MTCH1: variants seen among roughly 807,000 people sequenced by gnomAD.
MTCH1 encodes mitochondrial carrier 1, also known as mitochondrial carrier homolog 1.
MTCH1 carries 23 observed loss-of-function variants against 49.3 expected under a neutral mutation model. The ratio of observed to expected loss-of-function variants is 0.47; its 90% CI spans 0.34 to 0.66. The LOEUF (loss-of-function observed/expected upper bound fraction) is 0.66, where lower values mean the gene tolerates loss of function less well. Among genes scored for constraint, MTCH1 ranks in the 30% least tolerant of loss-of-function variants. The pLI is 0.01. For missense variants in MTCH1, 397 were observed against 532.1 expected (o/e 0.75, Z 2.50); for synonymous variants, 229 against 215.2 (o/e 1.06, Z -0.56).
chr6:36,978,158 G>T lies in MTCH1; in HGVS notation c.514-3C>A, dbSNP rs768308231. The T allele has an allele frequency of 8.7e-6, 14 of 1,611,160 alleles. No homozygotes were observed. The highest frequency in any genetic ancestry group is 9.3e-6 in the Non-Finnish European group (11 of 1,177,338). On this transcript the variant is annotated splice_polypyrimidine_tract_variant and splice_region_variant and intron_variant, in intron 3 of 11. Transcript: ENST00000373627. ...TCAATCTCATCTGGAGGGAAAACCT[G>T]AAACAGAGAAGGGAAAGAACCAAGT...
intron 1 of MTCH1, among the ~76,000 whole-genome samples, chr6:36,983,891 A>G (rs1171462687): frequency 6.6e-6 from 1 of 152,120 alleles, no homozygotes; most frequent in East Asian, 1.9e-4. Context: ...TACACTCAAC[A>G]CCAGCTGGGT....
At chr6:36,984,503 T>G (rs556938035) in intron 1 of MTCH1, among the ~76,000 whole-genome samples, 1 of 152,296 alleles carries the variant, frequency 6.6e-6, no homozygotes, top group East Asian at 1.9e-4. Flanking sequence ...TCCAGTTGTA[T>G]TTTGCATTCT....
chr6:36,970,241 A>T (rs1583247270), intron 10 of MTCH1, 127 bp from the exon 11 acceptor site: 1 of 1,417,132 alleles, frequency 7.1e-7, no homozygotes, highest in East Asian at 2.3e-5. Context: ...ACCACAGTTT[A>T]CCCCAGGGGG....
Position 36,977,490 on chromosome 6 carries a change from G to A in MTCH1, c.649+144C>T. The A allele has an allele frequency of 1.4e-6, 1 of 693,964 alleles. No homozygotes were observed. The highest frequency in any genetic ancestry group is 2.5e-6 in the Non-Finnish European group (1 of 399,780). 43.0% of individuals were successfully genotyped at this position (693,964 alleles called of 1,614,324 possible). Reference sequence around the variant, plus strand: ...AATTCCAATCTCTCCTCAGTGAGGTGGGTTCCAGTAGAATACCCCCAACCC... The same window carrying A: ...AATTCCAATCTCTCCTCAGTGAGGTAGGTTCCAGTAGAATACCCCCAACCC... On this transcript the variant is annotated intron_variant, in intron 5 of 11. Transcript: ENST00000373627. This position sits in a 1 kb window ranked among gnomAD's most constrained non-coding sequence, Gnocchi z 5.4.
At chr6:36,975,749 C>A in intron 6 of MTCH1, 32 bp from the exon 7 acceptor site, 1 of 1,606,600 alleles carries the variant, frequency 6.2e-7, no homozygotes, top group South Asian at 1.1e-5. Flanking sequence ...GATACAGGGT[C>A]ATGCAGTCAC....
intron 1 of MTCH1, 111 bp downstream of exon 1, chr6:36,985,742 A>AC: frequency 9.1e-6 from 1 of 109,364 alleles, no homozygotes; most frequent in South Asian, 4.4e-5. Flanking sequence ...CGCCGTCCCC[A>AC]CCCCTCTCCC....
At chr6:36,978,226 G>A in intron 3 of MTCH1, 71 bp from the exon 4 acceptor site, 1 of 1,325,976 alleles carries the variant, frequency 7.5e-7, no homozygotes, top group Non-Finnish European at 1.1e-6. Context: ...GACTTGGGCG[G>A]CAGGAACCAG....
intron 1 of MTCH1, among the ~76,000 whole-genome samples, chr6:36,985,498 T>C (rs1764266446): frequency 6.6e-6 from 1 of 151,198 alleles, no homozygotes; most frequent in Admixed American, 6.6e-5. Context: ...CCAAATTCGC[T>C]CCCTTCCCTA....
chr6:36,980,462 G>A (rs550317248), intron 2 of MTCH1, among the ~76,000 whole-genome samples: 1 of 152,308 alleles, frequency 6.6e-6, no homozygotes, highest in South Asian at 2.1e-4. Context: ...TCCTACTTCT[G>A]TCATTCCCCT....
chr6:36,981,788 T>C, intron 1 of MTCH1, 116 bp from the exon 2 acceptor site: 1 of 844,298 alleles, frequency 1.2e-6, no homozygotes, highest in Non-Finnish European at 1.8e-6. Flanking sequence ...AATTCTAATG[T>C]GGCTCTTGTT....
chr6:36,975,776 C>G, intron 6 of MTCH1, 59 bp from the exon 7 acceptor site: 2 of 1,538,490 alleles, frequency 1.3e-6, no homozygotes, highest in Non-Finnish European at 1.8e-6. Flanking sequence ...GAAGCCCACC[C>G]GTTGGTGTGG....
chr6:36,976,732 CGCA>C (rs1446949704), intron 6 of MTCH1: 1 of 378,572 alleles, frequency 2.6e-6, no homozygotes, highest in Non-Finnish European at 5.3e-6. Context: ...CAGGGCTGCA[CGCA>C]GCAGATCTAG....
chr6:36,977,593 G>T lies in MTCH1; in HGVS notation c.649+41C>A. 6.8e-7 allele frequency: 1 copy of T among 1,472,980 alleles called. No homozygotes were observed. The highest frequency in any genetic ancestry group is 9.4e-7 in the Non-Finnish European group (1 of 1,065,210). 91.2% of individuals were successfully genotyped at this position (1,472,980 alleles called of 1,614,324 possible). A position where few individuals can be genotyped will look rare whatever the true frequency, so the allele number is the denominator to read the frequency against. On this transcript the variant is annotated intron_variant, in intron 5 of 11. Transcript: ENST00000373627. The surrounding 1 kb of genome is among the most constrained non-coding windows in gnomAD (Gnocchi z 5.4). The stretch of plus-strand genomic sequence containing the variant: ...GCGCCCCTCACCCCACGCCCCCGAC[G>T]CCAGCTTAGATACAGTCTCGGGGGA...
intron 8 of MTCH1, among the ~76,000 whole-genome samples, chr6:36,971,587 C>A (rs3778025): frequency 0.23 from 35,463 of 151,682 alleles, 5,034 homozygotes; most frequent in East Asian, 0.36. Flanking sequence ...TTGCTTACAT[C>A]GAAAGGCCAG....
chr6:36,969,003 G>A (rs1583245314), intron 11 of MTCH1, 29 bp from the exon 12 acceptor site: 1 of 1,612,306 alleles, frequency 6.2e-7, no homozygotes, highest in Non-Finnish European at 8.5e-7. Flanking sequence ...TAAGGTGAGT[G>A]AAAGGGAGGC....
chr6:36,985,710 C>CCCCCCCCCCGCCCCCCCA, intron 1 of MTCH1, 143 bp downstream of exon 1: 4 of 404,604 alleles, frequency 9.9e-6, no homozygotes, highest in South Asian at 3.7e-5. Flanking sequence ...CCTCCCATCC[C>CCCCCCCCCCGCCCCCCCA]ACCCACTCGG....
chr6:36,975,410 T>G (rs1763837579), intron 7 of MTCH1, among the ~76,000 whole-genome samples: 1 of 152,188 alleles, frequency 6.6e-6, no homozygotes, highest in Non-Finnish European at 1.5e-5. Flanking sequence ...TGAGGCCCAG[T>G]GGGGCTGGTC....
chr6:36,984,073 ACTT>A (rs1764204301), intron 1 of MTCH1, among the ~76,000 whole-genome samples: 1 of 152,010 alleles, frequency 6.6e-6, no homozygotes, highest in South Asian at 2.1e-4. Flanking sequence ...TGATGAAGCC[ACTT>A]CTTCATTTCC....
Position 36,977,079 on chromosome 6 carries a change from C to T in MTCH1, c.701+120G>A, listed in dbSNP as rs949214204. 4.0e-6 allele frequency: 4 copies of T among 1,005,674 alleles called. No individual in the cohort carries two copies. The highest frequency in any genetic ancestry group is 2.7e-5 in the South Asian group (2 of 73,756). 62.3% of individuals were successfully genotyped at this position (1,005,674 alleles called of 1,614,324 possible). A position where few individuals can be genotyped will look rare whatever the true frequency, so the allele number is the denominator to read the frequency against. ...GCCACATTCCTCAGAAGCCAGGCAGCAGGCTGAACTCACACAGCACTAGGG... is the reference window on the plus strand; with the variant it reads ...GCCACATTCCTCAGAAGCCAGGCAGTAGGCTGAACTCACACAGCACTAGGG... On this transcript the variant is annotated intron_variant, in intron 6 of 11. Transcript: ENST00000373627. This position sits in a 1 kb window ranked among gnomAD's most constrained non-coding sequence, Gnocchi z 5.4.
Sources: gnomAD v4.1 joint callset for allele counts (sites outside exome capture counted in the v4.1 genomes callset) on GRCh38, gnomAD v4.1.1 for gene constraint, Gnocchi (gnomAD v3.1) non-coding constraint, MANE v1.5 for transcripts, NCBI Gene and HGNC (gene_info 2026-07-23, HGNC 2026-07-21) for gene names.